The following CNGB3 variants were observed in gnomAD, a reference collection of about 807,000 sequenced individuals.
The protein encoded by CNGB3 is cyclic nucleotide gated channel subunit beta 3, also known as cyclic nucleotide-gated channel beta-3.
A neutral mutation model predicts 92.8 loss-of-function variants in CNGB3; 86 were observed. The observed-to-expected ratio is 0.93, with a 90% CI of 0.78 to 1.11. The LOEUF (loss-of-function observed/expected upper bound fraction) is 1.11. Among genes scored for constraint, CNGB3 ranks in the 50% least tolerant of loss-of-function variants. The pLI, the probability that CNGB3 is intolerant of heterozygous loss-of-function variation, is 0.00. For missense variants in CNGB3, 1,026 were observed against 956.8 expected (o/e 1.07, Z -0.95); for synonymous variants, 333 against 332.7 (o/e 1.00, Z -0.01).
intron 15 of CNGB3, among the ~76,000 whole-genome samples, chr8:86,586,689 G>A (rs1365406792): frequency 6.6e-6 from 1 of 151,076 alleles, no homozygotes; most frequent in Non-Finnish European, 1.5e-5. Context: ...TGGCTGCATA[G>A]TATTCCATGG....
At chr8:86,645,630 G>A (rs1043351231) in intron 8 of CNGB3, among the ~76,000 whole-genome samples, 8 of 151,182 alleles carry the variant, frequency 5.3e-5, no homozygotes, top group Non-Finnish European at 7.4e-5. Flanking sequence ...GCAATAGAAC[G>A]TTTAGAATTA....
intron 6 of CNGB3, chr8:86,660,735 C>T (rs1354563984): frequency 1.9e-5 from 10 of 528,102 alleles, no homozygotes; most frequent in Admixed American, 1.6e-4. Context: ...AATACATATC[C>T]TCCTGAGAGA....
At position 86,625,290 on chromosome 8, in the gene CNGB3, G is replaced by A. The variant is rs116063234; in HGVS notation, c.1578+693C>T. ...CCACTTGAGTAAGTATTTGTTTTCAGCTATTATATTCCCAGTGGCTAAAGT... is the reference window on the plus strand; with the variant it reads ...CCACTTGAGTAAGTATTTGTTTTCAACTATTATATTCCCAGTGGCTAAAGT... On this transcript the variant is annotated intron_variant, in intron 13 of 17. Transcript: ENST00000320005. Among the ~76,000 whole-genome samples the A allele has an allele frequency of 3.2e-3, 492 of 152,110 alleles. 1 individual carries two copies. The highest frequency in any genetic ancestry group is 0.011 in the African/African-American group (460 of 41,490).
At chr8:86,616,445 A>G (rs1375864719) in intron 13 of CNGB3, among the ~76,000 whole-genome samples, 1 of 152,072 alleles carries the variant, frequency 6.6e-6, no homozygotes, top group East Asian at 1.9e-4. Flanking sequence ...TTTGAGAACT[A>G]TTATTATTCT....
intron 6 of CNGB3, chr8:86,659,207 C>T (rs1000531627): frequency 2.8e-6 from 2 of 722,060 alleles, no homozygotes; most frequent in Admixed American, 1.9e-5. Flanking sequence ...GCATCCTCTG[C>T]TACCGCATGG....
At chr8:86,694,103 G>T (rs1240996432) in intron 3 of CNGB3, among the ~76,000 whole-genome samples, 8 of 106,164 alleles carry the variant, frequency 7.5e-5, no homozygotes, top group South Asian at 3.5e-4. Context: ...CCTCCCAGAC[G>T]GGGCGGCTGG....
intron 2 of CNGB3, among the ~76,000 whole-genome samples, chr8:86,733,388 T>G (rs1043398352): frequency 9.9e-5 from 15 of 152,208 alleles, no homozygotes; most frequent in Non-Finnish European, 1.9e-4. Context: ...ATTGTGAATA[T>G]CACAGTGATG....
intron 15 of CNGB3, among the ~76,000 whole-genome samples, chr8:86,595,352 C>G (rs1373048088): frequency 1.3e-5 from 2 of 152,132 alleles, no homozygotes; most frequent in Non-Finnish European, 2.9e-5. Flanking sequence ...TGGCAAAAAG[C>G]CTTGATTTAG....
intron 10 of CNGB3, among the ~76,000 whole-genome samples, chr8:86,638,459 G>A (rs1823116487): frequency 6.6e-6 from 1 of 152,094 alleles, no homozygotes; most frequent in African/African-American, 2.4e-5. Context: ...AGTGGGACAT[G>A]CAATTTTTAA....
chr8:86,737,003 C>CA (rs1477980026), intron 2 of CNGB3, among the ~76,000 whole-genome samples: 1 of 151,938 alleles, frequency 6.6e-6, no homozygotes, highest in African/African-American at 2.4e-5. Context: ...AGAACACTTG[C>CA]TTTTTTTTCC....
At chr8:86,662,622 A>G (rs1823664156) in intron 6 of CNGB3, among the ~76,000 whole-genome samples, 1 of 152,196 alleles carries the variant, frequency 6.6e-6, no homozygotes, top group African/African-American at 2.4e-5. Context: ...AACTCCAACC[A>G]GCCTGCCCAC....
chr8:86,611,800 G>T, intron 13 of CNGB3, 129 bp from the exon 14 acceptor site: 1 of 717,642 alleles, frequency 1.4e-6, no homozygotes, highest in Non-Finnish European at 2.4e-6. Flanking sequence ...AACTGCCAAT[G>T]GCTATGGACA....
intron 6 of CNGB3, among the ~76,000 whole-genome samples, chr8:86,660,938 T>C (rs1031962708): frequency 6.6e-6 from 1 of 152,200 alleles, no homozygotes; most frequent in South Asian, 2.1e-4. Flanking sequence ...AAGGCCCTTC[T>C]TTCTGGTGTT....
At chr8:86,721,182 T>A (rs990193035) in intron 3 of CNGB3, among the ~76,000 whole-genome samples, 21 of 152,028 alleles carry the variant, frequency 1.4e-4, no homozygotes, top group African/African-American at 5.1e-4. Flanking sequence ...GCCAGGTTGG[T>A]CTCACATTGC....
chr8:86,626,174 A>G, intron 12 of CNGB3, 94 bp from the exon 13 acceptor site: 1 of 889,620 alleles, frequency 1.1e-6, no homozygotes, highest in Non-Finnish European at 1.8e-6. Flanking sequence ...AATAAAGGAA[A>G]CAAAATGCAA....
chr8:86,609,275 T>A (rs755351830), intron 14 of CNGB3, among the ~76,000 whole-genome samples: 2 of 152,224 alleles, frequency 1.3e-5, no homozygotes, highest in Non-Finnish European at 2.9e-5. Context: ...GGACATGTTG[T>A]GGTGCATTAA....
chr8:86,635,821 GATATATATATATATATATATATATATAT>G (rs57486853), intron 10 of CNGB3, among the ~76,000 whole-genome samples: 16 of 60,596 alleles, frequency 2.6e-4, no homozygotes, highest in African/African-American at 6.4e-4. Context: ...TATAACACAT[GATATATATATATATATATATATATATAT>G]ATATATATAT....
intron 3 of CNGB3, among the ~76,000 whole-genome samples, chr8:86,692,343 A>G (rs1052625548): frequency 6.6e-6 from 1 of 152,066 alleles, no homozygotes; most frequent in Admixed American, 6.5e-5. Flanking sequence ...CCCCACTAAT[A>G]TCGTGTTGCC....
intron 3 of CNGB3, among the ~76,000 whole-genome samples, chr8:86,721,764 G>A (rs1348712530): frequency 1.3e-5 from 2 of 151,998 alleles, no homozygotes; most frequent in African/African-American, 2.4e-5. Flanking sequence ...AGTATAAATT[G>A]CATTTTATTT....
Sources: allele counts gnomAD v4.1 joint callset (sites outside exome capture counted in the v4.1 genomes callset), GRCh38; gene constraint gnomAD v4.1.1; transcripts MANE v1.5; gene names NCBI Gene and HGNC (gene_info 2026-07-23, HGNC 2026-07-21).